VSTM2B: variants seen among roughly 807,000 people sequenced by gnomAD.
VSTM2B encodes V-set and transmembrane domain containing 2B.
In VSTM2B, 24 loss-of-function variants were observed where a neutral mutation model predicts 24.0. The ratio of observed to expected loss-of-function variants is 1.00; its 90% CI spans 0.72 to 1.40. The LOEUF is 1.40. VSTM2B is among the 40% of genes most tolerant of loss of function. The pLI, the probability that VSTM2B is intolerant of heterozygous loss-of-function variation, is 0.00. For missense variants in VSTM2B, 399 were observed against 416.4 expected (o/e 0.96, Z 0.36); for synonymous variants, 226 against 194.4 (o/e 1.16, Z -1.35).
intron 4 of VSTM2B, among the ~76,000 whole-genome samples, chr19:29,536,523 C>T (rs1229690310): frequency 2.0e-5 from 3 of 152,206 alleles, no homozygotes; most frequent in South Asian, 2.1e-4. Flanking sequence ...AACAGCTGCT[C>T]TTGGATTATA....
chr19:29,542,221 T>C (rs1297713533), intron 4 of VSTM2B, among the ~76,000 whole-genome samples: 1 of 150,768 alleles, frequency 6.6e-6, no homozygotes, highest in Non-Finnish European at 1.5e-5. Context: ...GGTGAATGGA[T>C]GGGAGAATGA....
At chr19:29,538,510 T>C (rs1969946615) in intron 4 of VSTM2B, among the ~76,000 whole-genome samples, 1 of 152,224 alleles carries the variant, frequency 6.6e-6, no homozygotes, top group South Asian at 2.1e-4. Context: ...CTCCTGCAAA[T>C]GCTGTGAGCA....
intron 4 of VSTM2B, among the ~76,000 whole-genome samples, chr19:29,544,635 T>A (rs1970106962): frequency 2.0e-5 from 3 of 146,630 alleles, no homozygotes. Context: ...ATTTGTGAAA[T>A]CATCTTGAGA....
intron 4 of VSTM2B, among the ~76,000 whole-genome samples, chr19:29,531,411 G>A (rs1568438024): frequency 6.6e-6 from 1 of 152,194 alleles, no homozygotes; most frequent in Non-Finnish European, 1.5e-5. Context: ...TTCTCAAAGG[G>A]TGGTCTTCCT....
At chr19:29,525,938 G>A (rs1969549049), upstream of VSTM2B, among the ~76,000 whole-genome samples, 1 of 151,448 alleles carries the variant, frequency 6.6e-6, no homozygotes, top group African/African-American at 2.4e-5. Context: ...GGTGGAGGCG[G>A]CTTGGCGCCC....
At chr19:29,535,711 C>T (rs191907847) in intron 4 of VSTM2B, among the ~76,000 whole-genome samples, 10 of 152,150 alleles carry the variant, frequency 6.6e-5, no homozygotes, top group Admixed American at 2.0e-4. Flanking sequence ...ACCCATGCCC[C>T]GGTGGTGATA....
chr19:29,557,792 A>G (rs989616467), intron 4 of VSTM2B, among the ~76,000 whole-genome samples: 1 of 152,226 alleles, frequency 6.6e-6, no homozygotes, highest in African/African-American at 2.4e-5. Context: ...AGGCACAGGC[A>G]AAGATTTCAT....
chr19:29,527,333 A>G lies in VSTM2B; in HGVS notation c.205A>G (p.Lys69Glu), dbSNP rs1233732861. ...YSLEIQWWYL[K>E]EPPRELLHEL... ...GCTGGAGATTCAGTGGTGGTACCTCAAGGAGCCACCCCGGGAGCTGCTGCA... is the reference window on the plus strand; with the variant it reads ...GCTGGAGATTCAGTGGTGGTACCTCGAGGAGCCACCCCGGGAGCTGCTGCA... The change falls in exon 2 of 5, where the codon AAG (lysine) becomes GAG (glutamate). Residue 69 changes from lysine (K) to glutamate (E), a missense_variant. Transcript: ENST00000335523. 2 of 1,549,140 alleles carry G rather than the reference A, an allele frequency of 1.3e-6. No homozygotes were observed. The highest frequency in any genetic ancestry group is 1.7e-6 in the Non-Finnish European group (2 of 1,146,494).
In VSTM2B at chr19:29,535,418, C is replaced by G. The variant is rs529588177; in HGVS notation, c.769+5128C>G. Among the ~76,000 whole-genome samples, 4 of 152,320 alleles carry G rather than the reference C, an allele frequency of 2.6e-5. 1 individual carries two copies. The highest frequency in any genetic ancestry group is 9.6e-5 in the African/African-American group (4 of 41,574). ...GATCAGAGCAGTGGCGTGTGAACCTCTAATTAGCCTCAGGGCTCTGGCTCC... is the reference window on the plus strand; with the variant it reads ...GATCAGAGCAGTGGCGTGTGAACCTGTAATTAGCCTCAGGGCTCTGGCTCC... On this transcript the variant is annotated intron_variant, in intron 4 of 4. Transcript: ENST00000335523.
chr19:29,546,454 A>G (rs941703915), intron 4 of VSTM2B, among the ~76,000 whole-genome samples: 5 of 150,822 alleles, frequency 3.3e-5, no homozygotes, highest in African/African-American at 1.2e-4. Flanking sequence ...GGCCTCACCT[A>G]TGAACGGGAA....
intron 4 of VSTM2B, among the ~76,000 whole-genome samples, chr19:29,536,216 A>G (rs1368457): frequency 0.32 from 49,324 of 152,064 alleles, 8,710 homozygotes; most frequent in East Asian, 0.52. Context: ...CCCAAACTTA[A>G]AGGAGCCAGG....
chr19:29,525,885 G>GGGCGGGCTGT (rs1969546779), upstream of VSTM2B: 2 of 151,024 alleles, frequency 1.3e-5, no homozygotes, highest in African/African-American at 4.9e-5. Flanking sequence ...GGCGGGGGCG[G>GGGCGGGCTGT]GGCGGGCTGT....
Position 29,529,867 on chromosome 19 carries a change from G to T in VSTM2B, c.346G>T (p.Ala116Ser). 6.5e-7 allele frequency: 1 copy of T among 1,550,118 alleles called. No individual in the cohort carries two copies. Among genetic ancestry groups the T allele is most frequent in the East Asian group, 2.4e-5 (1 of 40,896 alleles). ...NDISHRLRLS[A>S]VRLQDEGVYE... ...CATCTCACACCGGCTTCGGCTGTCT[G>T]CCGTGCGGCTGCAGGACGAGGGCGT... The change falls in exon 4 of 5, where the codon GCC (alanine) becomes TCC (serine). Residue 116 changes from alanine (A) to serine (S), a missense_variant. Coordinates refer to ENST00000335523, the MANE Select transcript of VSTM2B (RefSeq NM_001146339.2).
intron 4 of VSTM2B, among the ~76,000 whole-genome samples, chr19:29,549,880 G>C (rs998932104): frequency 6.6e-6 from 1 of 152,148 alleles, no homozygotes; most frequent in Non-Finnish European, 1.5e-5. Context: ...CGGGCCCCAG[G>C]GCAGGTGATG....
In VSTM2B at chr19:29,526,579, G is replaced by A. The variant is rs1434526770; in HGVS notation, c.-5G>A. ...CCCCCGCCGCCACCGCGCCCCCCGC[G>A]GGAGATGGAACAGCGGAACCGGCTC... On this transcript the variant is annotated 5_prime_UTR_variant, in exon 1 of 5. Transcript: ENST00000335523. This position sits in a 1 kb window ranked among gnomAD's most constrained non-coding sequence, Gnocchi z 4.1. The A allele has an allele frequency of 2.0e-6, 3 of 1,510,028 alleles. No homozygotes were observed. The highest frequency in any genetic ancestry group is 1.8e-6 in the Non-Finnish European group (2 of 1,134,564). 93.5% of individuals were successfully genotyped at this position (1,510,028 alleles called of 1,614,324 possible).
In VSTM2B at chr19:29,546,334, C is replaced by T. The variant is rs536129439; in HGVS notation, c.769+16044C>T. Among the ~76,000 whole-genome samples, 6 of 152,252 alleles carry T rather than the reference C, an allele frequency of 3.9e-5. No homozygotes were observed. In the South Asian group the frequency reaches 8.3e-4, roughly 21 times the overall value. On this transcript the variant is annotated intron_variant, in intron 4 of 4. Coordinates refer to ENST00000335523, the MANE Select transcript of VSTM2B (RefSeq NM_001146339.2). ...CACTGTCCACTGGGTGAAAGGGCTT[C>T]CAGCTGGCTAAGGAACTTGGACTCA...
At chr19:29,528,908 C>T (rs1969653534) in intron 3 of VSTM2B, 1 of 985,222 alleles carries the variant, frequency 1.0e-6, no homozygotes, top group South Asian at 4.7e-5. Context: ...TTATCCTCCG[C>T]CTGGATTGCG....
chr19:29,527,421 G>A, intron 2 of VSTM2B, 26 bp downstream of exon 2: 1 of 1,447,804 alleles, frequency 6.9e-7, no homozygotes, highest in Non-Finnish European at 9.0e-7. Flanking sequence ...CGCGGTACCG[G>A]CGCGCGCCCG....
intron 4 of VSTM2B, among the ~76,000 whole-genome samples, chr19:29,561,591 C>G (rs1970527530): frequency 6.6e-6 from 1 of 152,194 alleles, no homozygotes; most frequent in Non-Finnish European, 1.5e-5. Context: ...CACCATTGCA[C>G]TCCAGCCCGG....
Sources: allele counts gnomAD v4.1 joint callset (sites outside exome capture counted in the v4.1 genomes callset), GRCh38; gene constraint gnomAD v4.1.1; non-coding constraint Gnocchi (gnomAD v3.1); transcripts MANE v1.5; gene names NCBI Gene and HGNC (gene_info 2026-07-23, HGNC 2026-07-21).